CNTNAP2: variants seen among roughly 807,000 people sequenced by gnomAD.
The protein encoded by CNTNAP2 is contactin-associated protein-like 2.
Under a neutral mutation model 155.2 loss-of-function variants are expected in CNTNAP2, and 98 were observed. The observed-to-expected ratio is 0.63, with a 90% CI of 0.54 to 0.75. CNTNAP2 has a LOEUF of 0.75. Ranked by LOEUF, CNTNAP2 falls within the 30% of genes least tolerant of loss-of-function variation. CNTNAP2 has a pLI of 0.00. For missense variants in CNTNAP2, 1,727 were observed against 1,688.1 expected (o/e 1.02, Z -0.40); for synonymous variants, 651 against 631.2 (o/e 1.03, Z -0.47).
intron 22 of CNTNAP2, among the ~76,000 whole-genome samples, chr7:148,398,222 G>C (rs1409397462): frequency 6.6e-6 from 1 of 152,280 alleles, no homozygotes; most frequent in East Asian, 1.9e-4. Context: ...CATGTTCTCA[G>C]CAACGCTCCT....
chr7:146,481,767 A>G (rs1796963016), intron 1 of CNTNAP2, among the ~76,000 whole-genome samples: 1 of 152,186 alleles, frequency 6.6e-6, no homozygotes, highest in Non-Finnish European at 1.5e-5. Flanking sequence ...TCTTAAATAT[A>G]ACCAAGATCC....
At chr7:147,583,098 G>T (rs1489783024) in intron 12 of CNTNAP2, among the ~76,000 whole-genome samples, 1 of 152,096 alleles carries the variant, frequency 6.6e-6, no homozygotes, top group Non-Finnish European at 1.5e-5. Context: ...GGTGGTGAAA[G>T]CCTAAGCGAA....
At chr7:148,244,648 C>T (rs1046872783) in intron 20 of CNTNAP2, among the ~76,000 whole-genome samples, 6 of 151,396 alleles carry the variant, frequency 4.0e-5, no homozygotes, top group African/African-American at 7.3e-5. Flanking sequence ...CTGCAGCCTC[C>T]GCCTCCTGGG....
intron 8 of CNTNAP2, among the ~76,000 whole-genome samples, chr7:147,237,450 A>G (rs1258946286): frequency 6.6e-6 from 1 of 152,200 alleles, no homozygotes; most frequent in Non-Finnish European, 1.5e-5. Flanking sequence ...ATTTCTGCAC[A>G]TGCCCAGGGT....
intron 1 of CNTNAP2, among the ~76,000 whole-genome samples, chr7:146,767,283 A>C (rs1194727887): frequency 6.6e-6 from 1 of 152,212 alleles, no homozygotes; most frequent in Non-Finnish European, 1.5e-5. Context: ...ATAATAAAAG[A>C]TCTCTAATAT....
At chr7:147,036,452 CAAG>C (rs1335802882) in intron 3 of CNTNAP2, among the ~76,000 whole-genome samples, 2 of 152,098 alleles carry the variant, frequency 1.3e-5, no homozygotes, top group East Asian at 3.9e-4. Flanking sequence ...ATTTATAAGA[CAAG>C]AACTCTAAAA....
chr7:146,496,665 T>C (rs1797219606), intron 1 of CNTNAP2, among the ~76,000 whole-genome samples: 2 of 152,122 alleles, frequency 1.3e-5, no homozygotes, highest in East Asian at 1.9e-4. Flanking sequence ...AAAGCCTTCT[T>C]TTTTTTCCCA....
At chr7:146,319,449 CA>C (rs1179072547) in intron 1 of CNTNAP2, among the ~76,000 whole-genome samples, 1 of 152,080 alleles carries the variant, frequency 6.6e-6, no homozygotes, top group Non-Finnish European at 1.5e-5. Flanking sequence ...ACTTTCTCAA[CA>C]AGAGAGATTT....
At chr7:147,098,107 C>T (rs950596322) in intron 4 of CNTNAP2, among the ~76,000 whole-genome samples, 5 of 152,134 alleles carry the variant, frequency 3.3e-5, no homozygotes, top group African/African-American at 1.2e-4. Flanking sequence ...AACATCAGCT[C>T]GTTTGAGGCT....
chr7:147,081,609 G>GTGTC (rs1800131148), intron 4 of CNTNAP2: 1 of 151,966 alleles, frequency 6.6e-6, no homozygotes, highest in Non-Finnish European at 1.5e-5. Flanking sequence ...GTGTGTGTGT[G>GTGTC]TGTGTGTGTG....
In CNTNAP2 at chr7:148,121,500, A is replaced by G. The variant is rs141766609; in HGVS notation, c.2554+3212A>G. ...GGGCCTCAGGAAACGTTGATTCTGA[A>G]GTTAAACTCTTTAGAACTGTCTCTA... On this transcript the variant is annotated intron_variant, in intron 16 of 23. Transcript: ENST00000361727. Among the ~76,000 whole-genome samples the G allele has an allele frequency of 4.7e-3, 720 of 152,310 alleles. 11 individuals carry two copies. The highest frequency in any genetic ancestry group is 0.016 in the African/African-American group (674 of 41,560).
chr7:147,186,119 GA>G (rs1306643742), intron 8 of CNTNAP2, among the ~76,000 whole-genome samples: 1 of 152,138 alleles, frequency 6.6e-6, no homozygotes, highest in East Asian at 1.9e-4. Flanking sequence ...GGAAGAGAAG[GA>G]AAATATTACA....
intron 1 of CNTNAP2, among the ~76,000 whole-genome samples, chr7:146,345,718 G>A (rs917005564): frequency 6.6e-6 from 1 of 152,120 alleles, no homozygotes; most frequent in African/African-American, 2.4e-5. Flanking sequence ...TACAAAAAAT[G>A]TCTGCTAATT....
intron 1 of CNTNAP2, among the ~76,000 whole-genome samples, chr7:146,144,129 A>G (rs1412699228): frequency 6.6e-6 from 1 of 151,896 alleles, no homozygotes; most frequent in Admixed American, 6.6e-5. Context: ...GCTTTTTGTG[A>G]CTTCCTAAAA....
chr7:146,445,054 A>C (rs968717281), intron 1 of CNTNAP2, among the ~76,000 whole-genome samples: 1 of 152,116 alleles, frequency 6.6e-6, no homozygotes, highest in Non-Finnish European at 1.5e-5. Flanking sequence ...AAACAAAAAA[A>C]CTTCCTTCTA....
chr7:146,200,161 C>T (rs1798836615), intron 1 of CNTNAP2, among the ~76,000 whole-genome samples: 1 of 152,116 alleles, frequency 6.6e-6, no homozygotes, highest in Non-Finnish European at 1.5e-5. Flanking sequence ...AACAATGTTT[C>T]AGTGATGGAC....
chr7:146,678,716 A>G (rs891451657), intron 1 of CNTNAP2, among the ~76,000 whole-genome samples: 1 of 152,194 alleles, frequency 6.6e-6, no homozygotes, highest in African/African-American at 2.4e-5. Context: ...TAATTCATAC[A>G]TTATAAAAAC....
intron 15 of CNTNAP2, among the ~76,000 whole-genome samples, chr7:148,039,483 A>T (rs1802630359): frequency 6.6e-6 from 1 of 152,094 alleles, no homozygotes; most frequent in Admixed American, 6.6e-5. Context: ...CTCTCCAGGT[A>T]TTTCTTAATC....
intron 3 of CNTNAP2, among the ~76,000 whole-genome samples, chr7:146,947,404 CT>C (rs1797200227): frequency 7.6e-6 from 1 of 131,772 alleles, no homozygotes; most frequent in Non-Finnish European, 1.6e-5. Flanking sequence ...CTCTCTCTCT[CT>C]CTCTCTATAT....
Sources: allele counts gnomAD v4.1 joint callset (sites outside exome capture counted in the v4.1 genomes callset), GRCh38; gene constraint gnomAD v4.1.1; transcripts MANE v1.5; gene names NCBI Gene and HGNC (gene_info 2026-07-23, HGNC 2026-07-21).